GPC6: variants seen among roughly 807,000 people sequenced by gnomAD.
The protein encoded by GPC6 is glypican-6.
In GPC6, 14 loss-of-function variants were observed where a neutral mutation model predicts 55.2. The ratio of observed to expected loss-of-function variants is 0.25; its 90% CI spans 0.17 to 0.40. The LOEUF is 0.40. Among genes scored for constraint, GPC6 ranks in the 10% least tolerant of loss-of-function variants. The pLI is 1.00. For synonymous variants in GPC6, 278 were observed against 259.6 expected (o/e 1.07, Z -0.68); for missense variants, 641 against 708.5 (o/e 0.90, Z 1.08).
At chr13:93,703,990 T>C (rs1482003831) in intron 2 of GPC6, among the ~76,000 whole-genome samples, 1 of 152,020 alleles carries the variant, frequency 6.6e-6, no homozygotes, top group Non-Finnish European at 1.5e-5. Flanking sequence ...ATCCATGAAT[T>C]GTCAACCAAA....
At position 93,912,106 on chromosome 13, in the gene GPC6, T is replaced by G. The variant is rs10459316; in HGVS notation, c.711+81561T>G. On this transcript the variant is annotated intron_variant, in intron 3 of 8. Coordinates refer to ENST00000377047, the MANE Select transcript of GPC6 (RefSeq NM_005708.5). ...TGAATGATTTGTTTGTTAATTACAA[T>G]GGGATCCATTCTTAGGCTTGCATTA... Among the ~76,000 whole-genome samples, 167 of 152,326 alleles carry G rather than the reference T, an allele frequency of 1.1e-3. 3 individuals carry two copies. The East Asian group carries it at 0.03, about 27-fold the overall frequency.
chr13:93,954,767 G>T (rs977519994), intron 3 of GPC6, among the ~76,000 whole-genome samples: 2 of 152,104 alleles, frequency 1.3e-5, no homozygotes, highest in African/African-American at 4.8e-5. Flanking sequence ...TTTTTGTCCT[G>T]CAGTCTCTAA....
chr13:93,514,787 G>A (rs1280592831), intron 1 of GPC6, among the ~76,000 whole-genome samples: 2 of 152,164 alleles, frequency 1.3e-5, no homozygotes, highest in Non-Finnish European at 2.9e-5. Flanking sequence ...GAATTATTGA[G>A]TGTTCATGAG....
At chr13:93,889,626 G>C (rs776050982) in intron 3 of GPC6, among the ~76,000 whole-genome samples, 4 of 152,124 alleles carry the variant, frequency 2.6e-5, no homozygotes, top group African/African-American at 7.2e-5. Context: ...TAATGAAGCT[G>C]AATTTGTCAA....
chr13:94,146,382 T>G (rs1489488402), intron 4 of GPC6, among the ~76,000 whole-genome samples: 1 of 152,154 alleles, frequency 6.6e-6, no homozygotes, highest in East Asian at 1.9e-4. Context: ...GTCTCACCAA[T>G]CAAGTATTTA....
At chr13:93,399,749 T>C (rs1876001288) in intron 1 of GPC6, among the ~76,000 whole-genome samples, 1 of 152,208 alleles carries the variant, frequency 6.6e-6, no homozygotes, top group Non-Finnish European at 1.5e-5. Context: ...GCAGTGGTGT[T>C]TGATGGGCTT....
intron 4 of GPC6, among the ~76,000 whole-genome samples, chr13:94,192,642 T>C (rs1403798346): frequency 2.6e-5 from 4 of 152,226 alleles, no homozygotes; most frequent in Non-Finnish European, 2.9e-5. Flanking sequence ...TTGTGATGTA[T>C]GTACACTTGT....
chr13:93,948,278 G>A (rs1326068728), intron 3 of GPC6, among the ~76,000 whole-genome samples: 1 of 152,162 alleles, frequency 6.6e-6, no homozygotes, highest in Non-Finnish European at 1.5e-5. Context: ...ACATATTCAT[G>A]TAGTATAAAT....
intron 1 of GPC6, among the ~76,000 whole-genome samples, chr13:93,426,271 A>T (rs1432065468): frequency 6.6e-6 from 1 of 151,964 alleles, no homozygotes; most frequent in Non-Finnish European, 1.5e-5. Context: ...GTTTTAGGGT[A>T]CATGTGCACA....
intron 3 of GPC6, among the ~76,000 whole-genome samples, chr13:94,019,803 C>T (rs1253545527): frequency 6.6e-6 from 1 of 152,192 alleles, no homozygotes; most frequent in Admixed American, 6.5e-5. Context: ...TCCACCACAG[C>T]GTACAACTGT....
chr13:94,067,474 GTCTGTCTC>G (rs1404161959), intron 4 of GPC6, among the ~76,000 whole-genome samples: 4 of 142,252 alleles, frequency 2.8e-5, no homozygotes, highest in South Asian at 2.4e-4. Flanking sequence ...CTCTCTGTCT[GTCTGTCTC>G]TCTCTCTCTC....
At chr13:93,376,783 T>C (rs1874919566) in intron 1 of GPC6, among the ~76,000 whole-genome samples, 2 of 152,048 alleles carry the variant, frequency 1.3e-5, no homozygotes, top group Admixed American at 1.3e-4. Context: ...TCACTTTTTT[T>C]TTTTTTTTGT....
chr13:94,365,454 TAAC>T (rs1209389622), intron 6 of GPC6, among the ~76,000 whole-genome samples: 2 of 152,140 alleles, frequency 1.3e-5, no homozygotes, highest in African/African-American at 4.8e-5. Context: ...AGCATAAATA[TAAC>T]ACAAGAAATG....
intron 2 of GPC6, among the ~76,000 whole-genome samples, chr13:93,700,455 C>G (rs1882629428): frequency 6.6e-6 from 1 of 152,110 alleles, no homozygotes; most frequent in Non-Finnish European, 1.5e-5. Context: ...GAAGCACTAA[C>G]CCTGACCAAT....
intron 3 of GPC6, among the ~76,000 whole-genome samples, chr13:93,955,255 A>G (rs1042872984): frequency 1.3e-5 from 2 of 148,226 alleles, no homozygotes; most frequent in African/African-American, 5.2e-5. Context: ...ACACACACAC[A>G]CACACACACA....
intron 4 of GPC6, among the ~76,000 whole-genome samples, chr13:94,034,833 A>G (rs1396871960): frequency 6.6e-6 from 1 of 151,880 alleles, no homozygotes; most frequent in African/African-American, 2.4e-5. Flanking sequence ...GTCTGAAATG[A>G]GGCATACCTA....
chr13:93,324,482 C>T (rs544169969), intron 1 of GPC6, among the ~76,000 whole-genome samples: 1 of 147,686 alleles, frequency 6.8e-6, no homozygotes, highest in South Asian at 2.1e-4. Context: ...AAACCCCATT[C>T]TTTATCATGT....
chr13:93,532,104 G>A (rs1480252354), intron 1 of GPC6, among the ~76,000 whole-genome samples: 1 of 152,152 alleles, frequency 6.6e-6, no homozygotes, highest in Non-Finnish European at 1.5e-5. Context: ...GCCCAAGTGA[G>A]CCCTGTCACA....
chr13:93,500,610 G>A (rs544648536), intron 1 of GPC6, among the ~76,000 whole-genome samples: 13 of 152,196 alleles, frequency 8.5e-5, no homozygotes, highest in African/African-American at 2.9e-4. Flanking sequence ...TAACTCGTAT[G>A]TTTTATTTGG....
Sources: gnomAD v4.1 joint callset for allele counts (sites outside exome capture counted in the v4.1 genomes callset) on GRCh38, gnomAD v4.1.1 for gene constraint, MANE v1.5 for transcripts, NCBI Gene and HGNC (gene_info 2026-07-23, HGNC 2026-07-21) for gene names.